PTPN22: variants seen among roughly 807,000 people sequenced by gnomAD.
The protein encoded by PTPN22 is tyrosine-protein phosphatase non-receptor type 22.
In PTPN22, 85 loss-of-function variants were observed where a neutral mutation model predicts 103.3. The observed-to-expected ratio is 0.82, with a 90% confidence interval of 0.69 to 0.99. The LOEUF is 0.99. PTPN22 is among the 50% of genes least tolerant of loss of function. The pLI is 0.00. For missense variants in PTPN22, 865 were observed against 936.9 expected, an observed-to-expected ratio of 0.92 and a Z score of 1.00; for synonymous variants, 323 against 310.2, an observed-to-expected ratio of 1.04 and a Z score of -0.43.
intron 19 of PTPN22, among the ~76,000 whole-genome samples, chr1:113,822,546 A>G (rs1333095100): frequency 6.6e-6 from 1 of 152,030 alleles, no homozygotes; most frequent in Non-Finnish European, 1.5e-5. Flanking sequence ...TTGAGTTTCT[A>G]CAATACACCA....
At chr1:113,864,285 G>A (rs1343693248) in intron 1 of PTPN22, 1 of 452,186 alleles carries the variant, frequency 2.2e-6, no homozygotes, top group Non-Finnish European at 4.4e-6. Flanking sequence ...AGCACTTTGG[G>A]AGGCTGAGGC....
At chr1:113,871,296 T>C (rs1225643781) in intron 1 of PTPN22, among the ~76,000 whole-genome samples, 1 of 152,190 alleles carries the variant, frequency 6.6e-6, no homozygotes, top group Non-Finnish European at 1.5e-5. Flanking sequence ...ATGTCTTCTG[T>C]AGGATTCCTA....
rs71090738 is a variant in PTPN22, at chr1:113,843,099, C to CA, written c.916-4480dup. 1.7e-3 allele frequency among the ~76,000 whole-genome samples: 81 copies of CA among 47,884 alleles called. 6 individuals carry two copies. The highest frequency in any genetic ancestry group is 4.1e-3 in the East Asian group (11 of 2,660). 31.4% of individuals were successfully genotyped at this position (47,884 alleles called of 152,430 possible). ...TGGGCGACAGAGCGAGACTCCGTCT[C>CA]AAAAAAAAAAAAAAAGAAAACTAAA... On this transcript the variant is annotated intron_variant, in intron 11 of 20. Coordinates refer to ENST00000359785, the Ensembl canonical transcript of PTPN22.
At position 113,848,772 on chromosome 1, in the gene PTPN22, A is replaced by T. The variant is rs1664314304; in HGVS notation, c.829-146T>A. ...GATCGGCATGTTATTAAACTTACTAACAATGCCTTATGCTTACGTAGTTCA... is the reference window on the plus strand; with the variant it reads ...GATCGGCATGTTATTAAACTTACTATCAATGCCTTATGCTTACGTAGTTCA... On this transcript the variant is annotated intron_variant, in intron 10 of 20. Transcript: ENST00000359785. 4.1e-6 allele frequency: 3 copies of T among 731,982 alleles called. No homozygotes were observed. In the East Asian group the frequency reaches 7.5e-5, roughly 18 times the overall value. The allele number at this position is 731,982 out of a possible 1,614,324, so 45.3% of individuals were successfully genotyped here. A position where few individuals can be genotyped will look rare whatever the true frequency, so the allele number is the denominator to read the frequency against.
chr1:113,871,064 C>T (rs1262013079), intron 1 of PTPN22, among the ~76,000 whole-genome samples: 1 of 151,988 alleles, frequency 6.6e-6, no homozygotes, highest in Non-Finnish European at 1.5e-5. Flanking sequence ...ACAAAAAAAA[C>T]TGTGGCAGTG....
At chr1:113,865,648 C>T (rs962384636) in intron 1 of PTPN22, among the ~76,000 whole-genome samples, 3 of 152,076 alleles carry the variant, frequency 2.0e-5, no homozygotes, top group Admixed American at 2.0e-4. Context: ...TAATACTTAA[C>T]CAATTAGATG....
chr1:113,821,478 C>T (rs781518430), intron 19 of PTPN22, among the ~76,000 whole-genome samples: 24 of 152,110 alleles, frequency 1.6e-4, no homozygotes, highest in Non-Finnish European at 2.2e-4. Context: ...CATGCCAACA[C>T]GCCTGGGTAA....
chr1:113,870,036 G>A (rs920887270), intron 1 of PTPN22, among the ~76,000 whole-genome samples: 8 of 151,970 alleles, frequency 5.3e-5, no homozygotes, highest in Non-Finnish European at 8.8e-5. Context: ...TCTGCTATCC[G>A]GTACCAGAGT....
intron 1 of PTPN22, among the ~76,000 whole-genome samples, chr1:113,870,015 G>A (rs1180539358): frequency 6.6e-6 from 1 of 152,162 alleles, no homozygotes; most frequent in Non-Finnish European, 1.5e-5. Flanking sequence ...GACTTTCAGA[G>A]TGTTTTCACA....
intron 11 of PTPN22, among the ~76,000 whole-genome samples, chr1:113,844,445 C>A (rs1373045758): frequency 6.6e-6 from 1 of 152,202 alleles, no homozygotes; most frequent in African/African-American, 2.4e-5. Context: ...TAGAGTGAAA[C>A]TCTGTCTCAA....
intron 9 of PTPN22, 41 bp downstream of exon 9, chr1:113,854,430 T>C (rs760715357): frequency 1.3e-6 from 2 of 1,536,940 alleles, no homozygotes; most frequent in Non-Finnish European, 1.8e-6. Flanking sequence ...ATGAAAGCAG[T>C]AGACTAAGCA....
At position 113,816,297 on chromosome 1, in the gene PTPN22, AC is replaced by A. The variant is rs1661141957; in HGVS notation, c.2360-1329del. Among the ~76,000 whole-genome samples, 4 of 151,894 alleles carry A rather than the reference AC, an allele frequency of 2.6e-5. No individual in the cohort carries two copies. In the East Asian group the frequency reaches 7.8e-4, roughly 29 times the overall value. On this transcript the variant is annotated intron_variant, in intron 20 of 20. Transcript: ENST00000359785. Reference sequence around the variant, plus strand: ...AGACCAGCCTGGGCAACATAGTGAAACCTTGTCTCTACAAAAAAACACAAAA... The same window carrying A: ...AGACCAGCCTGGGCAACATAGTGAAACTTGTCTCTACAAAAAAACACAAAA...
At chr1:113,871,705 A>C (rs1666601305) in exon 1 of PTPN22, 2 of 1,227,934 alleles carry the variant, frequency 1.6e-6, no homozygotes, top group Non-Finnish European at 2.4e-6. Context: ...CACCTCCAAA[A>C]AGCCACTGCT....
intron 20 of PTPN22, 101 bp from the exon 21 acceptor site, chr1:113,815,070 C>T: frequency 1.2e-6 from 1 of 836,494 alleles, no homozygotes; most frequent in Admixed American, 2.8e-5. Context: ...AATACATGGT[C>T]TTTTTTTAAA....
chr1:113,846,893 G>A (rs969696796), intron 11 of PTPN22, among the ~76,000 whole-genome samples: 41 of 150,378 alleles, frequency 2.7e-4, no homozygotes, highest in East Asian at 1.8e-3. Context: ...CTTTTTTGTC[G>A]TTTTTTGTTT....
At chr1:113,846,296 G>T (rs1664041976) in intron 11 of PTPN22, among the ~76,000 whole-genome samples, 1 of 150,716 alleles carries the variant, frequency 6.6e-6, no homozygotes, top group African/African-American at 2.4e-5. Flanking sequence ...ATATCTCTTT[G>T]TATAGCCTTT....
At chr1:113,815,939 A>C (rs1390208555) in intron 20 of PTPN22, among the ~76,000 whole-genome samples, 2 of 152,190 alleles carry the variant, frequency 1.3e-5, no homozygotes, top group Non-Finnish European at 2.9e-5. Flanking sequence ...TTGGCCTTCC[A>C]AAGTCTGGGG....
At chr1:113,849,640 T>G (rs1293077255) in intron 10 of PTPN22, among the ~76,000 whole-genome samples, 3 of 151,328 alleles carry the variant, frequency 2.0e-5, no homozygotes, top group South Asian at 2.1e-4. Flanking sequence ...CAGGCTGGAG[T>G]GCAGTGATGC....
chr1:113,862,897 CAA>C (rs1665740087), intron 1 of PTPN22, among the ~76,000 whole-genome samples: 1 of 152,138 alleles, frequency 6.6e-6, no homozygotes, highest in African/African-American at 2.4e-5. Flanking sequence ...GAATGGAGGA[CAA>C]GACTGAATTG....
Sources: allele counts gnomAD v4.1 joint callset (sites outside exome capture counted in the v4.1 genomes callset), GRCh38; gene constraint gnomAD v4.1.1; transcripts MANE v1.5; gene names NCBI Gene and HGNC (gene_info 2026-07-23, HGNC 2026-07-21).